The following KCNF1 variants were observed in gnomAD, a reference collection of about 807,000 sequenced individuals.
The protein encoded by KCNF1 is potassium voltage-gated channel modifier subfamily F member 1, also known as voltage-gated potassium channel regulatory subunit KCNF1.
In KCNF1, 9 loss-of-function variants were observed where a neutral mutation model predicts 28.6. The observed-to-expected ratio is 0.31, with a 90% CI of 0.19 to 0.55. The LOEUF is 0.55. Ranked by LOEUF, KCNF1 falls within the 20% of genes least tolerant of loss-of-function variation. The pLI is 0.93. For missense variants in KCNF1, 461 were observed against 684.2 expected (o/e 0.67, Z 3.64); for synonymous variants, 328 against 299.6 (o/e 1.09, Z -0.98).
In KCNF1 at chr2:10,912,027, C is replaced by G. The variant is rs903512705; in HGVS notation, c.-400C>G. On this transcript the variant is annotated 5_prime_UTR_variant, in exon 1 of 1. Transcript: ENST00000295082. This position sits in a 1 kb window ranked among gnomAD's most constrained non-coding sequence, Gnocchi z 7.9. ...GCGGACGGCGTGGGTCCGCCAGCTC[C>G]GGGACCTGCCGCCGCTGCCTGCGCG... The G allele has an allele frequency of 2.0e-5, 3 of 152,104 alleles. No homozygotes were observed. Among genetic ancestry groups the G allele is most frequent in the African/African-American group, 7.2e-5 (3 of 41,452 alleles). 9.4% of individuals were successfully genotyped at this position (152,104 alleles called of 1,614,324 possible). A position where few individuals can be genotyped will look rare whatever the true frequency, so the allele number is the denominator to read the frequency against.
chr2:10,913,371 T>C lies in KCNF1; in HGVS notation c.945T>C (p.Tyr315=), dbSNP rs1398060369. ...CCTCGGGCCTGCAGACCCTCACCTA[T>C]GCCCTCAAGCGCAGCTTCAAGGAAC... ...RHSSGLQTLT[Y]ALKRSFKELG... Residue 315 remains tyrosine (Y), a synonymous_variant, in exon 1 of 1, where the codon TAT becomes TAC. Coordinates refer to ENST00000295082, the MANE Select transcript of KCNF1 (RefSeq NM_002236.5). This position sits in a 1 kb window ranked among gnomAD's most constrained non-coding sequence, Gnocchi z 5.5. The C allele has an allele frequency of 3.7e-6, 6 of 1,613,972 alleles. No homozygotes were observed. The highest frequency in any genetic ancestry group is 4.2e-6 in the Non-Finnish European group (5 of 1,179,930).
Position 10,913,910 on chromosome 2 carries a change from G to T in KCNF1, c.1484G>T (p.Ter495LeuextTer53). The change falls in exon 1 of 1, where the codon TGA becomes TTA. Residue 495 changes from the stop codon to leucine (L), a stop_lost. Coordinates refer to ENST00000295082, the MANE Select transcript of KCNF1 (RefSeq NM_002236.5). This position sits in a 1 kb window ranked among gnomAD's most constrained non-coding sequence, Gnocchi z 5.5. ...HHRTRLQSCK* is the reference protein window; with the variant it reads ...HHRTRLQSCKL ...AGGACCCGGCTCCAGAGTTGCAAGT[G>T]ACAGGAGGGCCCCTCAGGCAGAGAT... 2 of 1,520,256 alleles carry T rather than the reference G, an allele frequency of 1.3e-6. No homozygotes were observed. The highest frequency in any genetic ancestry group is 1.8e-6 in the Non-Finnish European group (2 of 1,136,738). The allele number at this position is 1,520,256 out of a possible 1,614,324, so 94.2% of individuals were successfully genotyped here.
In KCNF1 at chr2:10,914,101, C is replaced by T; in HGVS notation, c.*190C>T. The T allele has an allele frequency of 3.3e-6, 2 of 597,876 alleles. No homozygotes were observed. Among genetic ancestry groups the T allele is most frequent in the East Asian group, 3.1e-5 (1 of 31,918 alleles). The allele number at this position is 597,876 out of a possible 1,614,324, so 37.0% of individuals were successfully genotyped here. On this transcript the variant is annotated 3_prime_UTR_variant, in exon 1 of 1. Coordinates refer to ENST00000295082, the MANE Select transcript of KCNF1 (RefSeq NM_002236.5). ...CTCTATGTTGCCTGCTGTCCAGGAG[C>T]CCGGGAGGGAGGGGTGTGCAGGAGC... is the stretch of plus-strand genomic sequence containing the variant.
chr2:10,913,245 G>T lies in KCNF1; in HGVS notation c.819G>T (p.Thr273=). ...CCTTCTACGTGAGCCTCACGCTCAC[G>T]CACCTGGGTGCCCGCATGATGGAGC... is the stretch of plus-strand genomic sequence containing the variant. The part of the protein sequence containing the change: ...ILPFYVSLTL[T]HLGARMMELT... Residue 273 remains threonine, a synonymous_variant, in exon 1 of 1, where the codon ACG becomes ACT. Coordinates refer to ENST00000295082, the MANE Select transcript of KCNF1 (RefSeq NM_002236.5). The surrounding 1 kb of genome is among the most constrained non-coding windows in gnomAD (Gnocchi z 5.5). 6.2e-7 allele frequency: 1 copy of T among 1,613,412 alleles called. No homozygotes were observed. Among genetic ancestry groups the T allele is most frequent in the Non-Finnish European group, 8.5e-7 (1 of 1,180,014 alleles).
chr2:10,914,211 C>T lies in KCNF1; in HGVS notation c.*300C>T, dbSNP rs752795342. 1 of 326,418 alleles carries T rather than the reference C, an allele frequency of 3.1e-6. No individual in the cohort carries two copies. The highest frequency in any genetic ancestry group is 5.8e-6 in the Non-Finnish European group (1 of 173,468). The allele number at this position is 326,418 out of a possible 1,614,324, so 20.2% of individuals were successfully genotyped here. On this transcript the variant is annotated 3_prime_UTR_variant, in exon 1 of 1. Coordinates refer to ENST00000295082, the MANE Select transcript of KCNF1 (RefSeq NM_002236.5). ...GCTTCTGTATCTCCCTCAATAAAGC[C>T]TCCTGCTCTGTGCACCCTCCGTGTT... is the stretch of plus-strand genomic sequence containing the variant.
Position 10,912,312 on chromosome 2 carries a change from G to A in KCNF1, c.-115G>A. ...CGCCCTTCCCCGCAGGCGGGCGCCGGCCAGGCTCTCCCCGAGATCAGCGCA... is the reference window on the plus strand; with the variant it reads ...CGCCCTTCCCCGCAGGCGGGCGCCGACCAGGCTCTCCCCGAGATCAGCGCA... On this transcript the variant is annotated 5_prime_UTR_variant, in exon 1 of 1. Coordinates refer to ENST00000295082, the MANE Select transcript of KCNF1 (RefSeq NM_002236.5). This position sits in a 1 kb window ranked among gnomAD's most constrained non-coding sequence, Gnocchi z 7.9. 2 of 854,806 alleles carry A rather than the reference G, an allele frequency of 2.3e-6. No individual in the cohort carries two copies. Among genetic ancestry groups the A allele is most frequent in the Non-Finnish European group, 3.0e-6 (2 of 662,488 alleles). The allele number at this position is 854,806 out of a possible 1,614,324, so 53.0% of individuals were successfully genotyped here.
rs765454752 is a variant in KCNF1 at position 10,912,654 on chromosome 2, G to A, written c.228G>A (p.Glu76=). The part of the protein sequence containing the change: ...LCDDYDPGKR[E]FYFDRDPDAF... ...ACGACTACGACCCCGGCAAGCGCGAGTTCTACTTTGACAGGGACCCGGACG... is the reference window on the plus strand; with the variant it reads ...ACGACTACGACCCCGGCAAGCGCGAATTCTACTTTGACAGGGACCCGGACG... The change falls in exon 1 of 1, where the codon GAG becomes GAA. Residue 76 remains glutamate (E), a synonymous_variant. Coordinates refer to ENST00000295082, the MANE Select transcript of KCNF1 (RefSeq NM_002236.5). This position sits in a 1 kb window ranked among gnomAD's most constrained non-coding sequence, Gnocchi z 7.9. 2.5e-6 allele frequency: 4 copies of A among 1,614,034 alleles called. No homozygotes were observed. The highest frequency in any genetic ancestry group is 3.4e-6 in the Non-Finnish European group (4 of 1,180,022).
chr2:10,913,212 C>A lies in KCNF1; in HGVS notation c.786C>A (p.Ala262=). Residue 262 remains alanine, a synonymous_variant, in exon 1 of 1, where the codon GCC becomes GCA. Transcript: ENST00000295082. The surrounding 1 kb of genome is among the most constrained non-coding windows in gnomAD (Gnocchi z 5.5). The part of the protein sequence containing the change: ...LSFMNIVDVL[A]ILPFYVSLTL... The stretch of plus-strand genomic sequence containing the variant: ...TCATGAACATTGTGGACGTGCTGGC[C>A]ATCCTCCCCTTCTACGTGAGCCTCA... The A allele has an allele frequency of 6.2e-7, 1 of 1,613,460 alleles. No homozygotes were observed. The highest frequency in any genetic ancestry group is 8.5e-7 in the Non-Finnish European group (1 of 1,180,034).
In KCNF1 at chr2:10,912,402, G is replaced by A; in HGVS notation, c.-25G>A. 1 of 1,247,220 alleles carries A rather than the reference G, an allele frequency of 8.0e-7. No individual in the cohort carries two copies. The highest frequency in any genetic ancestry group is 3.1e-5 in the East Asian group (1 of 31,760). 77.3% of individuals were successfully genotyped at this position (1,247,220 alleles called of 1,614,324 possible). On this transcript the variant is annotated 5_prime_UTR_variant, in exon 1 of 1. Transcript: ENST00000295082. This position sits in a 1 kb window ranked among gnomAD's most constrained non-coding sequence, Gnocchi z 7.9. ...GCGGCTGCAGGGGGCGCGGGGCGGA[G>A]GCTGCGAGGGCGCGCGCGGGGAGGA...
Position 10,912,527 on chromosome 2 carries a change from A to C in KCNF1, c.101A>C (p.Gln34Pro). The C allele has an allele frequency of 6.2e-7, 1 of 1,606,176 alleles. No homozygotes were observed. Among genetic ancestry groups the C allele is most frequent in the Non-Finnish European group, 8.5e-7 (1 of 1,176,656 alleles). The change falls in exon 1 of 1, where the codon CAG becomes CCG. Residue 34 changes from glutamine (Q) to proline (P), a missense_variant. Around this residue, in one of 4 missense-constraint regions of KCNF1, gnomAD observed 193 missense variants for 280.6 expected, o/e 0.69. Transcript: ENST00000295082. The surrounding 1 kb of genome is among the most constrained non-coding windows in gnomAD (Gnocchi z 7.9). ...EIVVNVGGVR[Q>P]VLYGDLLSQY... ...GTCGTCAACGTGGGGGGCGTGCGGC[A>C]GGTGCTGTACGGGGACCTCCTCAGT...
rs1369551248 is a variant in KCNF1, at chr2:10,912,355, A to AC, written c.-67dup. On this transcript the variant is annotated 5_prime_UTR_variant, in exon 1 of 1. Transcript: ENST00000295082. This position sits in a 1 kb window ranked among gnomAD's most constrained non-coding sequence, Gnocchi z 7.9. ...TCAGCGCACGGGTGGCACCCGCCGGACCCCCAGCGGCAGCGGCGGCGGCGG... is the reference window on the plus strand; with the variant it reads ...TCAGCGCACGGGTGGCACCCGCCGGACCCCCCAGCGGCAGCGGCGGCGGCGG... 7.0e-6 allele frequency: 8 copies of AC among 1,144,090 alleles called. No homozygotes were observed. The highest frequency in any genetic ancestry group is 3.5e-5 in the East Asian group (1 of 28,420). 70.9% of individuals were successfully genotyped at this position (1,144,090 alleles called of 1,614,324 possible). A position where few individuals can be genotyped will look rare whatever the true frequency, so the allele number is the denominator to read the frequency against.
chr2:10,913,393 G>A lies in KCNF1; in HGVS notation c.967G>A (p.Glu323Lys). 6.2e-7 allele frequency: 1 copy of A among 1,614,034 alleles called. No homozygotes were observed. Among genetic ancestry groups the A allele is most frequent in the Non-Finnish European group, 8.5e-7 (1 of 1,179,920 alleles). Residue 323 changes from glutamate to lysine, a missense_variant, in exon 1 of 1, where the codon GAA becomes AAA. Transcript: ENST00000295082. This position sits in a 1 kb window ranked among gnomAD's most constrained non-coding sequence, Gnocchi z 5.5. ...CTATGCCCTCAAGCGCAGCTTCAAG[G>A]AACTGGGGCTGCTGCTCATGTACCT... ...LTYALKRSFK[E>K]LGLLLMYLAV...
chr2:10,913,097 A>C lies in KCNF1; in HGVS notation c.671A>C (p.Asn224Thr), dbSNP rs867288695. The change falls in exon 1 of 1, where the codon AAC becomes ACC. Residue 224 changes from asparagine (N) to threonine (T), a missense_variant. Transcript: ENST00000295082. This position sits in a 1 kb window ranked among gnomAD's most constrained non-coding sequence, Gnocchi z 5.5. ...CGCGTGGAGCACCCGACGCTGGAGA[A>C]CGTGGAGACGGCGTGCATTGGCTGG... ...GNRVEHPTLE[N>T]VETACIGWFT... 1 of 1,609,728 alleles carries C rather than the reference A, an allele frequency of 6.2e-7. No individual in the cohort carries two copies. The highest frequency in any genetic ancestry group is 8.5e-7 in the Non-Finnish European group (1 of 1,180,022).
Position 10,913,994 on chromosome 2 carries a change from G to T in KCNF1, c.*83G>T. On this transcript the variant is annotated 3_prime_UTR_variant, in exon 1 of 1. Transcript: ENST00000295082. This position sits in a 1 kb window ranked among gnomAD's most constrained non-coding sequence, Gnocchi z 5.5. ...AGGCATGTCATCGACAGCACAGAAG[G>T]GCTGTCCTGTGTCCCCCCAACCCTC... 3.5e-6 allele frequency: 5 copies of T among 1,424,202 alleles called. No individual in the cohort carries two copies. The highest frequency in any genetic ancestry group is 4.7e-6 in the Non-Finnish European group (5 of 1,061,708). 88.2% of individuals were successfully genotyped at this position (1,424,202 alleles called of 1,614,324 possible).
Position 10,913,897 on chromosome 2 carries a change from C to T in KCNF1, c.1471C>T (p.Gln491Ter). The part of the protein sequence containing the change: ...TEEKHHRTRL[Q>*]SCK ...GGAGAAGCACCACAGGACCCGGCTCCAGAGTTGCAAGTGACAGGAGGGCCC... is the reference window on the plus strand; with the variant it reads ...GGAGAAGCACCACAGGACCCGGCTCTAGAGTTGCAAGTGACAGGAGGGCCC... The change falls in exon 1 of 1, where the codon CAG (glutamine) becomes TAG (stop). Residue 491 changes from glutamine to a stop codon, truncating the protein, a stop_gained. Coordinates refer to ENST00000295082, the MANE Select transcript of KCNF1 (RefSeq NM_002236.5). LOFTEE classifies it high-confidence loss of function. The surrounding 1 kb of genome is among the most constrained non-coding windows in gnomAD (Gnocchi z 5.5). The T allele has an allele frequency of 6.6e-7, 1 of 1,520,474 alleles. No homozygotes were observed. The highest frequency in any genetic ancestry group is 1.4e-5 in the African/African-American group (1 of 71,868). The allele number at this position is 1,520,474 out of a possible 1,614,324, so 94.2% of individuals were successfully genotyped here.
In KCNF1 at chr2:10,912,438, C is replaced by T. The variant is rs754027211; in HGVS notation, c.12C>T (p.Ser4=). Residue 4 remains serine, a synonymous_variant, in exon 1 of 1, where the codon TCC becomes TCT. Coordinates refer to ENST00000295082, the MANE Select transcript of KCNF1 (RefSeq NM_002236.5). The surrounding 1 kb of genome is among the most constrained non-coding windows in gnomAD (Gnocchi z 7.9). MDG[S]GERSLPEPGS... ...CGCGCGCGGGGAGGATGGACGGGTC[C>T]GGGGAGCGCAGCCTCCCGGAGCCGG... 9.8e-6 allele frequency: 14 copies of T among 1,430,582 alleles called. No homozygotes were observed. In the South Asian group the frequency reaches 1.2e-4, roughly 13 times the overall value. The allele number at this position is 1,430,582 out of a possible 1,614,324, so 88.6% of individuals were successfully genotyped here.
At position 10,912,904 on chromosome 2, in the gene KCNF1, C is replaced by T. The variant is rs1346189569; in HGVS notation, c.478C>T (p.Arg160Cys). 9 of 1,610,378 alleles carry T rather than the reference C, an allele frequency of 5.6e-6. No homozygotes were observed. Among genetic ancestry groups the T allele is most frequent in the African/African-American group, 1.3e-5 (1 of 74,930 alleles). The change falls in exon 1 of 1, where the codon CGC becomes TGC. Residue 160 changes from arginine to cysteine, a missense_variant. By Grantham distance (180) the Arg-to-Cys change is radical. This residue lies in a region of KCNF1 where 193 missense variants were observed against 280.6 expected (regional missense o/e 0.69). Transcript: ENST00000295082. The surrounding 1 kb of genome is among the most constrained non-coding windows in gnomAD (Gnocchi z 7.9). ...DDLGVDAAEGRWRRCQKCVWK... is the reference protein window; with the variant it reads ...DDLGVDAAEGCWRRCQKCVWK... The stretch of plus-strand genomic sequence containing the variant: ...CCTGGGCGTGGACGCAGCCGAGGGC[C>T]GCTGGCGCCGCTGCCAGAAGTGCGT...
Position 10,913,508 on chromosome 2 carries a change from T to G in KCNF1, c.1082T>G (p.Phe361Cys). ...CTGTTTAAGAGCATCCCCCAGTCCT[T>G]CTGGTGGGCCATCATCACCATGACC... Reference protein sequence around the residue: ...ETLFKSIPQSFWWAIITMTTV... With the variant: ...ETLFKSIPQSCWWAIITMTTV... The change falls in exon 1 of 1, where the codon TTC (phenylalanine) becomes TGC (cysteine). Residue 361 changes from phenylalanine (F) to cysteine (C), a missense_variant. Physicochemically the swap from Phe to Cys is radical, Grantham distance 205. Transcript: ENST00000295082. This position sits in a 1 kb window ranked among gnomAD's most constrained non-coding sequence, Gnocchi z 5.5. 6.2e-7 allele frequency: 1 copy of G among 1,614,146 alleles called. No homozygotes were observed. The highest frequency in any genetic ancestry group is 8.5e-7 in the Non-Finnish European group (1 of 1,180,034).
At position 10,913,912 on chromosome 2, in the gene KCNF1, C is replaced by T. The variant is rs773104141; in HGVS notation, c.*1C>T. 114 of 1,519,916 alleles carry T rather than the reference C, an allele frequency of 7.5e-5. No individual in the cohort carries two copies. The highest frequency in any genetic ancestry group is 9.5e-5 in the Non-Finnish European group (108 of 1,136,640). 94.2% of individuals were successfully genotyped at this position (1,519,916 alleles called of 1,614,324 possible). Reference sequence around the variant, plus strand: ...GACCCGGCTCCAGAGTTGCAAGTGACAGGAGGGCCCCTCAGGCAGAGATGG... The same window carrying T: ...GACCCGGCTCCAGAGTTGCAAGTGATAGGAGGGCCCCTCAGGCAGAGATGG... On this transcript the variant is annotated 3_prime_UTR_variant, in exon 1 of 1. Coordinates refer to ENST00000295082, the MANE Select transcript of KCNF1 (RefSeq NM_002236.5). This position sits in a 1 kb window ranked among gnomAD's most constrained non-coding sequence, Gnocchi z 5.5.
Sources: gnomAD v4.1 joint callset for allele counts on GRCh38, gnomAD v4.1.1 for gene constraint, gnomAD v4.1.1 regional missense constraint, Gnocchi (gnomAD v3.1) non-coding constraint, MANE v1.5 for transcripts, NCBI Gene and HGNC (gene_info 2026-07-23, HGNC 2026-07-21) for gene names.